The following CAPZA1 variants were observed in gnomAD, a reference collection of about 807,000 sequenced individuals.
The protein encoded by CAPZA1 is F-actin-capping protein subunit alpha-1.
Under a neutral mutation model 40.8 loss-of-function variants are expected in CAPZA1, and 10 were observed. The ratio of observed to expected loss-of-function variants is 0.25; its 90% CI spans 0.15 to 0.42. The LOEUF is 0.42. Among genes scored for constraint, CAPZA1 ranks in the 10% least tolerant of loss-of-function variants. The pLI, the probability that CAPZA1 is intolerant of heterozygous loss-of-function variation, is 1.00. For synonymous variants in CAPZA1, 98 were observed against 115.0 expected, an observed-to-expected ratio of 0.85 and a Z score of 0.95; for missense variants, 277 against 353.8, an observed-to-expected ratio of 0.78 and a Z score of 1.74.
intron 1 of CAPZA1, among the ~76,000 whole-genome samples, chr1:112,633,559 G>GT (rs1670961974): frequency 1.3e-5 from 2 of 152,214 alleles, no homozygotes; most frequent in East Asian, 3.9e-4. Context: ...TGAACATGGG[G>GT]GTGCAGATAT....
intron 1 of CAPZA1, among the ~76,000 whole-genome samples, chr1:112,632,649 T>C (rs1670943219): frequency 6.6e-6 from 1 of 152,188 alleles, no homozygotes; most frequent in African/African-American, 2.4e-5. Flanking sequence ...TTCCATGTGT[T>C]GTGAGATGTA....
chr1:112,623,823 G>C (rs532287977), intron 1 of CAPZA1, among the ~76,000 whole-genome samples: 2 of 151,512 alleles, frequency 1.3e-5, no homozygotes, highest in South Asian at 4.2e-4. Flanking sequence ...GGCTAACGCA[G>C]TGAAACACCG....
chr1:112,653,585 TAA>T lies in CAPZA1; in HGVS notation c.156-5_156-4del. 6.9e-7 allele frequency: 1 copy of T among 1,449,402 alleles called. No homozygotes were observed. Among genetic ancestry groups the T allele is most frequent in the Non-Finnish European group, 9.4e-7 (1 of 1,067,916 alleles). The allele number at this position is 1,449,402 out of a possible 1,614,324, so 89.8% of individuals were successfully genotyped here. On this transcript the variant is annotated splice_polypyrimidine_tract_variant and intron_variant, in intron 3 of 9. Transcript: ENST00000263168. ...TTTTTTTTTTTTTTTAAAAAACTTT[TAA>T]AAAAAAACAGTGCATTTGCCCAGTA...
At chr1:112,663,197 C>G (rs1671655287) in intron 7 of CAPZA1, among the ~76,000 whole-genome samples, 1 of 152,140 alleles carries the variant, frequency 6.6e-6, no homozygotes, top group Non-Finnish European at 1.5e-5. Context: ...ATCTCCTGAC[C>G]TCGTGATGCG....
At chr1:112,644,164 T>G (rs1671235199) in intron 1 of CAPZA1, among the ~76,000 whole-genome samples, 1 of 145,484 alleles carries the variant, frequency 6.9e-6, no homozygotes, top group Admixed American at 6.9e-5. Context: ...GGGTTTTTTT[T>G]TCTAATTCTC....
At chr1:112,669,127 C>T (rs951364213) in intron 8 of CAPZA1, among the ~76,000 whole-genome samples, 21 of 152,184 alleles carry the variant, frequency 1.4e-4, no homozygotes, top group Non-Finnish European at 2.1e-4. Context: ...ATGTATATGA[C>T]TGATGTGTCC....
At chr1:112,627,744 T>C (rs987147606) in intron 1 of CAPZA1, among the ~76,000 whole-genome samples, 1 of 150,998 alleles carries the variant, frequency 6.6e-6, no homozygotes, top group African/African-American at 2.4e-5. Flanking sequence ...GCGGATCACC[T>C]GAGGCTAGGA....
At chr1:112,644,817 A>G (rs1316785612) in intron 1 of CAPZA1, among the ~76,000 whole-genome samples, 1 of 152,168 alleles carries the variant, frequency 6.6e-6, no homozygotes, top group Non-Finnish European at 1.5e-5. Flanking sequence ...CTATGTATAG[A>G]TACTGCCAAA....
Position 112,665,616 on chromosome 1 carries a change from T to C in CAPZA1, c.586-1458T>C, listed in dbSNP as rs139034644. ...GCTGTTAGATTCAGTGACTGGTGAG[T>C]TCTGTTTCTCATAGGTGACACCTTC... On this transcript the variant is annotated intron_variant, in intron 7 of 9. Transcript: ENST00000263168. Among the ~76,000 whole-genome samples, 17 of 152,230 alleles carry C rather than the reference T, an allele frequency of 1.1e-4. No homozygotes were observed. In the East Asian group the frequency reaches 3.3e-3, roughly 29 times the overall value.
At chr1:112,653,574 T>TTA in intron 3 of CAPZA1, 24 bp from the exon 4 acceptor site, 6 of 1,127,762 alleles carry the variant, frequency 5.3e-6, no homozygotes, top group Middle Eastern at 2.6e-4. Context: ...TTTTTTTTTT[T>TTA]AAAAAACTTT....
chr1:112,662,515 C>G (rs572711363), intron 7 of CAPZA1, among the ~76,000 whole-genome samples: 359 of 149,648 alleles, frequency 2.4e-3, no homozygotes, highest in African/African-American at 8.1e-3. Context: ...TCTCCTGCCT[C>G]AGCCTCCTGA....
chr1:112,662,196 A>G (rs1671625245), intron 7 of CAPZA1, among the ~76,000 whole-genome samples: 1 of 151,956 alleles, frequency 6.6e-6, no homozygotes, highest in African/African-American at 2.4e-5. Context: ...TGCAACCTCA[A>G]ACTCCTCAAC....
chr1:112,630,975 C>A (rs1359921142), intron 1 of CAPZA1, among the ~76,000 whole-genome samples: 2 of 152,170 alleles, frequency 1.3e-5, no homozygotes, highest in Non-Finnish European at 2.9e-5. Flanking sequence ...TCAACCCTGA[C>A]AGCATGTTAG....
intron 8 of CAPZA1, among the ~76,000 whole-genome samples, chr1:112,668,052 G>A (rs1226131020): frequency 4.6e-5 from 7 of 152,088 alleles, no homozygotes; most frequent in East Asian, 1.9e-4. Context: ...TTGGGAGGTC[G>A]AGGCAGGTGA....
At chr1:112,648,347 C>CTTTTTTTTTT (rs35670246) in intron 2 of CAPZA1, among the ~76,000 whole-genome samples, 4 of 99,386 alleles carry the variant, frequency 4.0e-5, no homozygotes, top group Admixed American at 1.1e-4. Flanking sequence ...TTGAATTTTT[C>CTTTTTTTTTT]TTTTTTTTTT....
chr1:112,659,288 T>G, intron 6 of CAPZA1, 187 bp downstream of exon 6: 1 of 577,898 alleles, frequency 1.7e-6, no homozygotes, highest in Non-Finnish European at 3.1e-6. Context: ...AAAGTTACTC[T>G]TATTTTGAGT....
chr1:112,645,251 A>G (rs1671258221), intron 1 of CAPZA1, among the ~76,000 whole-genome samples: 1 of 152,226 alleles, frequency 6.6e-6, no homozygotes, highest in African/African-American at 2.4e-5. Flanking sequence ...TGGAAAACCA[A>G]TACCATGAAG....
chr1:112,622,034 T>C (rs1275274569), intron 1 of CAPZA1, among the ~76,000 whole-genome samples: 2 of 152,164 alleles, frequency 1.3e-5, no homozygotes, highest in Non-Finnish European at 2.9e-5. Flanking sequence ...GTGCTGGGAT[T>C]ACAGGCGTGA....
intron 1 of CAPZA1, among the ~76,000 whole-genome samples, chr1:112,622,289 T>C (rs1163051230): frequency 6.6e-6 from 1 of 152,148 alleles, no homozygotes; most frequent in African/African-American, 2.4e-5. Context: ...TTAATCACTT[T>C]ATAAAGAGGA....
Sources: gnomAD v4.1 joint callset for allele counts (sites outside exome capture counted in the v4.1 genomes callset) on GRCh38, gnomAD v4.1.1 for gene constraint, MANE v1.5 for transcripts, NCBI Gene and HGNC (gene_info 2026-07-23, HGNC 2026-07-21) for gene names.